The following RALGAPA2 variants were observed in gnomAD, a reference collection of about 807,000 sequenced individuals.
The protein encoded by RALGAPA2 is Ral GTPase activating protein catalytic subunit alpha 2.
Under a neutral mutation model 230.4 loss-of-function variants are expected in RALGAPA2, and 139 were observed. The ratio of observed to expected loss-of-function variants is 0.60; its 90% CI spans 0.53 to 0.69. RALGAPA2 has a LOEUF of 0.69. RALGAPA2 is among the 30% of genes least tolerant of loss of function. RALGAPA2 has a pLI of 0.00. For synonymous variants in RALGAPA2, 847 were observed against 837.8 expected (o/e 1.01, Z -0.19); for missense variants, 2,163 against 2,276.0 (o/e 0.95, Z 1.01).
chr20:20,515,900 G>C (rs917977464), intron 31 of RALGAPA2, among the ~76,000 whole-genome samples: 1 of 152,184 alleles, frequency 6.6e-6, no homozygotes, highest in Non-Finnish European at 1.5e-5. Flanking sequence ...TGGGCAGACA[G>C]GAGGGGCACT....
intron 24 of RALGAPA2, among the ~76,000 whole-genome samples, chr20:20,544,620 CA>C (rs1366730499): frequency 2.6e-5 from 4 of 152,116 alleles, no homozygotes; most frequent in Non-Finnish European, 5.9e-5. Flanking sequence ...GGAACCAACC[CA>C]AATGCCCATC....
intron 23 of RALGAPA2, among the ~76,000 whole-genome samples, chr20:20,570,919 G>A (rs1403713414): frequency 6.6e-6 from 1 of 152,188 alleles, no homozygotes; most frequent in African/African-American, 2.4e-5. Flanking sequence ...GGCCTACAAG[G>A]AGGAAGAGGT....
rs567273303 is a variant in RALGAPA2, at chr20:20,594,790, G to A, written c.2204-3476C>T. 1.8e-3 allele frequency among the ~76,000 whole-genome samples: 262 copies of A among 148,440 alleles called. 1 individual carries two copies. Among genetic ancestry groups the A allele is most frequent in the Non-Finnish European group, 2.5e-3 (168 of 67,538 alleles). ...GTCGGCCAGGCTGGAGCACAATGGC[G>A]TGATCTTGACTCACTGCAAGCTCCA... On this transcript the variant is annotated intron_variant, in intron 16 of 39. Transcript: ENST00000202677.
At chr20:20,572,323 T>A (rs1241617014) in intron 21 of RALGAPA2, among the ~76,000 whole-genome samples, 2 of 152,088 alleles carry the variant, frequency 1.3e-5, no homozygotes, top group South Asian at 4.2e-4. Flanking sequence ...ATAAAAATTG[T>A]ATGTACTACT....
intron 9 of RALGAPA2, among the ~76,000 whole-genome samples, chr20:20,632,994 ACGGCTACTGGGTCTTTC>A (rs2066730290): frequency 6.7e-6 from 1 of 148,840 alleles, no homozygotes; most frequent in South Asian, 2.2e-4. Flanking sequence ...CATTTCTTCC[ACGGCTACTGGGTCTTTC>A]TCTCTCTCTC....
intron 4 of RALGAPA2, among the ~76,000 whole-genome samples, chr20:20,644,855 G>A (rs962489067): frequency 6.6e-6 from 1 of 152,164 alleles, no homozygotes; most frequent in African/African-American, 2.4e-5. Context: ...TGGAGAGTTT[G>A]TTCTAAGTCA....
chr20:20,479,276 G>A (rs2061719220), intron 36 of RALGAPA2, among the ~76,000 whole-genome samples: 1 of 152,072 alleles, frequency 6.6e-6, no homozygotes, highest in Non-Finnish European at 1.5e-5. Context: ...TATTATTTTG[G>A]AGAAACTTCC....
Position 20,571,618 on chromosome 20 carries a change from C to T in RALGAPA2, c.3001-5G>A, listed in dbSNP as rs752009496. 270 of 1,606,790 alleles carry T rather than the reference C, an allele frequency of 1.7e-4. 1 individual carries two copies. The highest frequency in any genetic ancestry group is 1.5e-3 in the Middle Eastern group (9 of 6,050). ...TTCATTTGGCAGTGTCGCCGCCTGT[C>T]AAGGAGATGATGTTTCCAGATTAAA... On this transcript the variant is annotated splice_polypyrimidine_tract_variant and splice_region_variant and intron_variant, in intron 22 of 39. Transcript: ENST00000202677.
intron 36 of RALGAPA2, among the ~76,000 whole-genome samples, chr20:20,489,851 A>C (rs2062007044): frequency 6.6e-6 from 1 of 152,236 alleles, no homozygotes; most frequent in African/African-American, 2.4e-5. Flanking sequence ...AGTAGCTCAG[A>C]GGCAGAGAAT....
chr20:20,634,364 T>C (rs2066785458), intron 9 of RALGAPA2, among the ~76,000 whole-genome samples: 2 of 152,206 alleles, frequency 1.3e-5, no homozygotes, highest in South Asian at 2.1e-4. Context: ...ATTTTCATTT[T>C]ATTTGCTAAT....
chr20:20,602,225 C>G (rs2065676275), intron 15 of RALGAPA2, among the ~76,000 whole-genome samples: 1 of 152,182 alleles, frequency 6.6e-6, no homozygotes, highest in Admixed American at 6.5e-5. Context: ...ACTCAGAGAT[C>G]CTGATGTTAG....
chr20:20,403,678 G>A (rs866656500), intron 38 of RALGAPA2, among the ~76,000 whole-genome samples: 4 of 152,174 alleles, frequency 2.6e-5, no homozygotes, highest in South Asian at 2.1e-4. Context: ...CTGGAGTTGC[G>A]CTGTTTCTCC....
intron 3 of RALGAPA2, among the ~76,000 whole-genome samples, chr20:20,668,384 C>A (rs2068027176): frequency 6.6e-6 from 1 of 152,076 alleles, no homozygotes; most frequent in Non-Finnish European, 1.5e-5. Context: ...GCCTGAGCAA[C>A]AGAGCGAGAC....
intron 13 of RALGAPA2, among the ~76,000 whole-genome samples, chr20:20,615,096 CTG>C (rs1360341615): frequency 6.6e-6 from 1 of 151,632 alleles, no homozygotes; most frequent in Non-Finnish European, 1.5e-5. Context: ...GAAAGTGACT[CTG>C]AGGCTTTCTG....
intron 37 of RALGAPA2, among the ~76,000 whole-genome samples, chr20:20,445,188 G>T (rs1222999971): frequency 6.6e-6 from 1 of 152,196 alleles, no homozygotes; most frequent in Non-Finnish European, 1.5e-5. Flanking sequence ...GAGGTTTCAG[G>T]CATCCACTGG....
intron 24 of RALGAPA2, among the ~76,000 whole-genome samples, chr20:20,541,646 C>T (rs2063645336): frequency 6.6e-6 from 1 of 152,146 alleles, no homozygotes; most frequent in African/African-American, 2.4e-5. Flanking sequence ...GAATGGGGTG[C>T]AATGTAAAGC....
In RALGAPA2 at chr20:20,601,658, A is replaced by G. The variant is rs1032048958; in HGVS notation, c.2203+24T>C. 3.1e-6 allele frequency: 5 copies of G among 1,595,564 alleles called. No homozygotes were observed. The African/African-American group carries it at 5.4e-5, about 17-fold the overall frequency. On this transcript the variant is annotated intron_variant, in intron 16 of 39. Transcript: ENST00000202677. ...ATTTTAGATAACAATTAGATTTTTG[A>G]GAAGCATTTAAATAAATGTTTACCA... is the stretch of plus-strand genomic sequence containing the variant.
chr20:20,432,823 C>T (rs1420167973), intron 37 of RALGAPA2, among the ~76,000 whole-genome samples: 1 of 152,148 alleles, frequency 6.6e-6, no homozygotes. Context: ...CAGGGAGAAT[C>T]ATCATTATCA....
In RALGAPA2 at chr20:20,393,170, G is replaced by A. The variant is rs776428235; in HGVS notation, c.*119C>T. 3.0e-6 allele frequency: 4 copies of A among 1,346,942 alleles called. No individual in the cohort carries two copies. The highest frequency in any genetic ancestry group is 1.5e-5 in the African/African-American group (1 of 67,052). 83.4% of individuals were successfully genotyped at this position (1,346,942 alleles called of 1,614,324 possible). The stretch of plus-strand genomic sequence containing the variant: ...CTGGAGATTCTGGGTTTAGTGGCTC[G>A]GGGCAGAGGCAGGAGAGGGTGTTCT... On this transcript the variant is annotated 3_prime_UTR_variant, in exon 40 of 40. Coordinates refer to ENST00000202677, the MANE Select transcript of RALGAPA2 (RefSeq NM_020343.4).
Sources: allele counts gnomAD v4.1 joint callset (sites outside exome capture counted in the v4.1 genomes callset), GRCh38; gene constraint gnomAD v4.1.1; transcripts MANE v1.5; gene names NCBI Gene and HGNC (gene_info 2026-07-23, HGNC 2026-07-21).